The following PPP1R9A variants were observed in gnomAD, a reference collection of about 807,000 sequenced individuals.
PPP1R9A encodes the protein protein phosphatase 1 regulatory subunit 9A.
In PPP1R9A, 59 loss-of-function variants were observed where a neutral mutation model predicts 141.9. The observed-to-expected ratio is 0.42, with a 90% CI of 0.34 to 0.52. PPP1R9A has a LOEUF of 0.52. PPP1R9A is among the 20% of genes least tolerant of loss of function. PPP1R9A has a pLI of 0.10. For synonymous variants in PPP1R9A, 500 were observed against 569.7 expected (o/e 0.88, Z 1.74); for missense variants, 1,444 against 1,611.9 (o/e 0.90, Z 1.78).
chr7:95,137,415 CAAAAAAAA>C (rs33928009), intron 4 of PPP1R9A, among the ~76,000 whole-genome samples: 4 of 91,490 alleles, frequency 4.4e-5, no homozygotes, highest in African/African-American at 1.7e-4. Flanking sequence ...GACATGAACT[CAAAAAAAA>C]AAAAAAAAAA....
At chr7:94,958,613 A>T (rs1014520977) in intron 2 of PPP1R9A, among the ~76,000 whole-genome samples, 2 of 152,186 alleles carry the variant, frequency 1.3e-5, no homozygotes, top group South Asian at 4.1e-4. Flanking sequence ...CTAAAAAATA[A>T]TGAACAGCCT....
chr7:94,950,366 A>G (rs180754460), intron 2 of PPP1R9A, among the ~76,000 whole-genome samples: 6 of 152,022 alleles, frequency 3.9e-5, no homozygotes, highest in Admixed American at 2.0e-4. Flanking sequence ...CTTTATTTCT[A>G]TGTCACAAAC....
At chr7:95,018,056 G>C (rs970496950) in intron 2 of PPP1R9A, 1 of 154,150 alleles carries the variant, frequency 6.5e-6, no homozygotes, top group African/African-American at 2.4e-5. Context: ...ATTATTTCCT[G>C]AATCTCTCCA....
At chr7:94,964,300 A>G (rs1222199967) in intron 2 of PPP1R9A, among the ~76,000 whole-genome samples, 4 of 151,882 alleles carry the variant, frequency 2.6e-5, no homozygotes, top group Admixed American at 2.6e-4. Context: ...TTTTTAGATA[A>G]TTATCTGGGA....
intron 12 of PPP1R9A, among the ~76,000 whole-genome samples, chr7:95,257,354 C>CTAA (rs1799735661): frequency 6.6e-6 from 1 of 151,986 alleles, no homozygotes; most frequent in Non-Finnish European, 1.5e-5. Flanking sequence ...AAAGGATGGA[C>CTAA]TAATAAATGG....
In PPP1R9A at chr7:95,290,320, G is replaced by A. The variant is rs1403984434; in HGVS notation, c.*17G>A. On this transcript the variant is annotated 3_prime_UTR_variant, in exon 20 of 20. Coordinates refer to ENST00000433360, the MANE Select transcript of PPP1R9A (RefSeq NM_001166160.2). ...GAGCAGTAACACATACCCTCTTACA[G>A]ATGATGGAGATGCTCCAAGAGAAGT... 1.3e-6 allele frequency: 2 copies of A among 1,594,150 alleles called. No homozygotes were observed. The highest frequency in any genetic ancestry group is 2.3e-5 in the South Asian group (2 of 88,318).
chr7:95,288,808 G>A, intron 19 of PPP1R9A, 90 bp downstream of exon 19: 1 of 1,409,784 alleles, frequency 7.1e-7, no homozygotes, highest in Non-Finnish European at 9.6e-7. Flanking sequence ...AGAGCATTCT[G>A]CATATCTGAG....
At chr7:94,974,988 A>G (rs1303717614) in intron 2 of PPP1R9A, among the ~76,000 whole-genome samples, 1 of 152,194 alleles carries the variant, frequency 6.6e-6, no homozygotes, top group Non-Finnish European at 1.5e-5. Context: ...ATATGTCCCT[A>G]TATATAAATG....
chr7:95,273,807 C>A, intron 14 of PPP1R9A, 92 bp from the exon 15 acceptor site: 3 of 1,188,268 alleles, frequency 2.5e-6, no homozygotes, highest in South Asian at 2.9e-5. Flanking sequence ...GGAATTTAGG[C>A]AAAGCCCTTA....
At position 95,198,409 on chromosome 7, in the gene PPP1R9A, G is replaced by A. The variant is rs1245951206; in HGVS notation, c.1815G>A (p.Gln605=). The A allele has an allele frequency of 6.2e-7, 1 of 1,613,610 alleles. No individual in the cohort carries two copies. The highest frequency in any genetic ancestry group is 1.1e-5 in the South Asian group (1 of 91,000). Residue 605 remains glutamine (Q), a synonymous_variant, in exon 6 of 20, where the codon CAG becomes CAA. Coordinates refer to ENST00000433360, the MANE Select transcript of PPP1R9A (RefSeq NM_001166160.2). ...QVSEVAQLIS[Q]TLEQERRQRE... ...GCGAGGTTGCCCAGTTGATAAGCCAGACACTGGAACAGGAGAGGCGCCAGA... is the reference window on the plus strand; with the variant it reads ...GCGAGGTTGCCCAGTTGATAAGCCAAACACTGGAACAGGAGAGGCGCCAGA...
Position 95,273,927 on chromosome 7 carries a change from G to A in PPP1R9A, c.3153G>A (p.Arg1051=). The A allele has an allele frequency of 1.3e-6, 2 of 1,505,028 alleles. No individual in the cohort carries two copies. Among genetic ancestry groups the A allele is most frequent in the Non-Finnish European group, 9.1e-7 (1 of 1,095,268 alleles). The allele number at this position is 1,505,028 out of a possible 1,614,324, so 93.2% of individuals were successfully genotyped here. Residue 1051 remains arginine, a synonymous_variant, in exon 15 of 20, where the codon AGG becomes AGA. Transcript: ENST00000433360. ...KDDAKDPKSL[R]ASSSLAVQGG... is the part of the protein sequence containing the mutation. ...ATGCCAAAGATCCCAAATCACTAAG[G>A]GCATCCAGTTCATTGGCGGTGCAAG... is the stretch of plus-strand genomic sequence containing the variant.
At chr7:95,206,325 T>C (rs144745229) in intron 7 of PPP1R9A, among the ~76,000 whole-genome samples, 32 of 152,340 alleles carry the variant, frequency 2.1e-4, no homozygotes, top group African/African-American at 7.7e-4. Context: ...AATTGATTTC[T>C]GAAGTTTCAG....
intron 12 of PPP1R9A, among the ~76,000 whole-genome samples, chr7:95,252,949 A>G (rs1799096295): frequency 6.6e-6 from 1 of 152,190 alleles, no homozygotes; most frequent in Non-Finnish European, 1.5e-5. Flanking sequence ...TAAGACCAAA[A>G]CACTGGAAAC....
At chr7:95,185,378 A>ATTTTTTTTTTTTTTTTTTTTTTT (rs147366122) in intron 5 of PPP1R9A, among the ~76,000 whole-genome samples, 1 of 148,886 alleles carries the variant, frequency 6.7e-6, no homozygotes, top group African/African-American at 2.5e-5. Context: ...TTTTTATGGG[A>ATTTTTTTTTTTTTTTTTTTTTTT]TTTTTTTTTT....
At chr7:95,035,416 A>G (rs1808300274) in intron 2 of PPP1R9A, among the ~76,000 whole-genome samples, 1 of 152,136 alleles carries the variant, frequency 6.6e-6, no homozygotes, top group African/African-American at 2.4e-5. Flanking sequence ...ATTTTAGCTT[A>G]TATTTATATA....
At chr7:94,970,238 C>T (rs1798712223) in intron 2 of PPP1R9A, among the ~76,000 whole-genome samples, 1 of 152,202 alleles carries the variant, frequency 6.6e-6, no homozygotes, top group African/African-American at 2.4e-5. Flanking sequence ...CCCAAACGGC[C>T]ATCCAGTTTT....
rs878895800 is a variant in PPP1R9A, at chr7:95,295,170, C to T, written c.*4867C>T. Reference sequence around the variant, plus strand: ...ATTAAAAAATATATTGTGTATGGAACTTGGCGAGGTCAGTCAGGACCTGGA... The same window carrying T: ...ATTAAAAAATATATTGTGTATGGAATTTGGCGAGGTCAGTCAGGACCTGGA... On this transcript the variant is annotated 3_prime_UTR_variant, in exon 20 of 20. Transcript: ENST00000433360. 5 of 152,604 alleles carry T rather than the reference C, an allele frequency of 3.3e-5. No homozygotes were observed. In the South Asian group the frequency reaches 1.0e-3, roughly 32 times the overall value. The allele number at this position is 152,604 out of a possible 1,614,324, so 9.5% of individuals were successfully genotyped here.
At chr7:95,205,858 A>G (rs1012384861) in intron 7 of PPP1R9A, among the ~76,000 whole-genome samples, 2 of 152,148 alleles carry the variant, frequency 1.3e-5, no homozygotes, top group Non-Finnish European at 2.9e-5. Flanking sequence ...ACAGGTTTCA[A>G]TGGGCTTTTG....
At chr7:95,135,551 T>G (rs1308847462) in intron 4 of PPP1R9A, among the ~76,000 whole-genome samples, 3 of 152,188 alleles carry the variant, frequency 2.0e-5, no homozygotes, top group African/African-American at 2.4e-5. Flanking sequence ...CACCTTAGTT[T>G]TCGTTCACTT....
Sources: allele counts gnomAD v4.1 joint callset (sites outside exome capture counted in the v4.1 genomes callset), GRCh38; gene constraint gnomAD v4.1.1; transcripts MANE v1.5; gene names NCBI Gene and HGNC (gene_info 2026-07-23, HGNC 2026-07-21).